PRKACB: variants seen among roughly 807,000 people sequenced by gnomAD.
PRKACB encodes protein kinase cAMP-activated catalytic subunit beta.
Under a neutral mutation model 51.4 loss-of-function variants are expected in PRKACB, and 16 were observed. That is an observed-to-expected ratio of 0.31 (90% confidence interval 0.21 to 0.47). PRKACB has a LOEUF of 0.47. Among genes scored for constraint, PRKACB ranks in the 20% least tolerant of loss-of-function variants. The pLI, the probability that PRKACB is intolerant of heterozygous loss-of-function variation, is 1.00. For missense variants in PRKACB, 309 were observed against 464.5 expected, an observed-to-expected ratio of 0.67 and a Z score of 3.08; for synonymous variants, 147 against 154.4, an observed-to-expected ratio of 0.95 and a Z score of 0.35.
rs144672254 is a variant in PRKACB at position 84,218,529 on chromosome 1, A to G, written c.1071+4212A>G. ...ACAGCCAAATAGTATTCCTATATAT[A>G]TTACATTTTCTGTACCCATTCATGT... is the stretch of plus-strand genomic sequence containing the variant. On this transcript the variant is annotated intron_variant, in intron 9 of 9. Coordinates refer to ENST00000370685, the MANE Select transcript of PRKACB (RefSeq NM_182948.4). 1.2e-4 allele frequency among the ~76,000 whole-genome samples: 18 copies of G among 152,246 alleles called. No individual in the cohort carries two copies. In the East Asian group the frequency reaches 3.3e-3, roughly 28 times the overall value.
At chr1:84,204,382 G>C in intron 8 of PRKACB, 2 of 890,338 alleles carry the variant, frequency 2.2e-6, no homozygotes, top group South Asian at 3.1e-5. Context: ...GCAGAATGCA[G>C]TACTTATTTA....
chr1:84,163,719 T>C (rs551245785), intron 1 of PRKACB, among the ~76,000 whole-genome samples: 1 of 152,190 alleles, frequency 6.6e-6, no homozygotes, highest in South Asian at 2.1e-4. Flanking sequence ...AGCCATGAAA[T>C]CATTGTTTTT....
chr1:84,107,165 T>C (rs977279485), intron 1 of PRKACB, among the ~76,000 whole-genome samples: 3 of 152,046 alleles, frequency 2.0e-5, no homozygotes, highest in African/African-American at 7.2e-5. Flanking sequence ...TTAAAACATA[T>C]ATAAAATGGA....
upstream of PRKACB, among the ~76,000 whole-genome samples, chr1:84,140,237 C>T (rs1381101818): frequency 6.6e-6 from 1 of 152,038 alleles, no homozygotes; most frequent in African/African-American, 2.4e-5. Flanking sequence ...TGATTTTTGA[C>T]AAAGGTGCAA....
intron 8 of PRKACB, among the ~76,000 whole-genome samples, chr1:84,212,001 T>A (rs1259074968): frequency 6.6e-6 from 1 of 152,192 alleles, no homozygotes; most frequent in African/African-American, 2.4e-5. Context: ...TCCTGGTCAT[T>A]TATTAACTAT....
At chr1:84,083,615 C>G (rs1647721351) in intron 1 of PRKACB, among the ~76,000 whole-genome samples, 1 of 152,142 alleles carries the variant, frequency 6.6e-6, no homozygotes, top group Non-Finnish European at 1.5e-5. Flanking sequence ...TTCATTTTGA[C>G]ATTCCATTAA....
At chr1:84,234,778 C>T (rs1207853453) in intron 9 of PRKACB, among the ~76,000 whole-genome samples, 1 of 152,258 alleles carries the variant, frequency 6.6e-6, no homozygotes, top group Admixed American at 6.5e-5. Flanking sequence ...TCGGCTCGCA[C>T]ACGGTGCGTG....
intron 1 of PRKACB, among the ~76,000 whole-genome samples, chr1:84,132,023 C>T (rs375269171): frequency 5.3e-5 from 8 of 152,018 alleles, no homozygotes; most frequent in Non-Finnish European, 7.4e-5. Context: ...ATTATTAGAC[C>T]CCTATCCTGG....
At chr1:84,097,815 G>A (rs543432987) in intron 1 of PRKACB, among the ~76,000 whole-genome samples, 18 of 152,136 alleles carry the variant, frequency 1.2e-4, no homozygotes, top group South Asian at 6.2e-4. Context: ...CAAAACGTGC[G>A]AATTTGCCCT....
intron 1 of PRKACB, among the ~76,000 whole-genome samples, chr1:84,148,627 A>G (rs1057398489): frequency 3.3e-5 from 5 of 152,166 alleles, no homozygotes; most frequent in Admixed American, 1.3e-4. Flanking sequence ...AATTTATTTT[A>G]AAAGCCCATG....
intron 9 of PRKACB, among the ~76,000 whole-genome samples, chr1:84,225,343 C>T (rs937076858): frequency 3.3e-5 from 5 of 152,172 alleles, no homozygotes; most frequent in Admixed American, 2.6e-4. Flanking sequence ...AGGCAGGAGG[C>T]CCTCAGACTC....
chr1:84,078,117 C>CGCCACT, upstream of PRKACB: 1 of 473,990 alleles, frequency 2.1e-6, no homozygotes. Context: ...CCGCCGCCGC[C>CGCCACT]GCCGCTGCTG....
intron 1 of PRKACB, among the ~76,000 whole-genome samples, chr1:84,147,951 T>C (rs915598072): frequency 6.6e-6 from 1 of 152,126 alleles, no homozygotes; most frequent in Non-Finnish European, 1.5e-5. Flanking sequence ...AATAATATAA[T>C]GCAACCTTTG....
chr1:84,155,717 C>G (rs1156965112), intron 1 of PRKACB, among the ~76,000 whole-genome samples: 1 of 152,112 alleles, frequency 6.6e-6, no homozygotes, highest in South Asian at 2.1e-4. Flanking sequence ...TTGAATATTA[C>G]TTTCATGTCC....
chr1:84,131,469 A>T (rs1187882061), intron 1 of PRKACB, among the ~76,000 whole-genome samples: 3 of 152,338 alleles, frequency 2.0e-5, no homozygotes, highest in East Asian at 3.9e-4. Context: ...CAAGTAATTC[A>T]AAAGAAGGCA....
At chr1:84,151,845 C>T (rs1183741195) in intron 1 of PRKACB, among the ~76,000 whole-genome samples, 1 of 152,172 alleles carries the variant, frequency 6.6e-6, no homozygotes, top group Non-Finnish European at 1.5e-5. Flanking sequence ...TTAAACCGCT[C>T]AAACGCATCT....
intron 1 of PRKACB, among the ~76,000 whole-genome samples, chr1:84,109,885 A>T (rs1650074752): frequency 6.6e-6 from 1 of 151,902 alleles, no homozygotes; most frequent in African/African-American, 2.4e-5. Flanking sequence ...TTTTCTGATT[A>T]TATATGTTAT....
intron 1 of PRKACB, among the ~76,000 whole-genome samples, chr1:84,085,177 T>C (rs887223835): frequency 6.6e-6 from 1 of 152,206 alleles, no homozygotes; most frequent in Admixed American, 6.5e-5. Flanking sequence ...TCCTCTAAGC[T>C]ATTCGGTTTT....
intron 1 of PRKACB, among the ~76,000 whole-genome samples, chr1:84,116,098 A>C (rs796224691): frequency 1.3e-5 from 2 of 152,184 alleles, no homozygotes; most frequent in African/African-American, 4.8e-5. Context: ...CCATTTATTG[A>C]AGAGAGTGTC....
Sources: allele counts gnomAD v4.1 joint callset (sites outside exome capture counted in the v4.1 genomes callset), GRCh38; gene constraint gnomAD v4.1.1; transcripts MANE v1.5; gene names NCBI Gene and HGNC (gene_info 2026-07-23, HGNC 2026-07-21).